ATP9B: variants seen among roughly 807,000 people sequenced by gnomAD.
ATP9B encodes ATPase phospholipid transporting 9B.
A neutral mutation model predicts 146.1 loss-of-function variants in ATP9B; 110 were observed. The ratio of observed to expected loss-of-function variants is 0.75; its 90% CI spans 0.65 to 0.88. The LOEUF (loss-of-function observed/expected upper bound fraction) is 0.88, where lower values mean the gene tolerates loss of function less well. ATP9B is among the 40% of genes least tolerant of loss of function. ATP9B has a pLI of 0.00. For missense variants in ATP9B, 1,499 were observed against 1,496.4 expected, an observed-to-expected ratio of 1.00 and a Z score of -0.03; for synonymous variants, 604 against 569.7, an observed-to-expected ratio of 1.06 and a Z score of -0.86.
At position 79,374,070 on chromosome 18, in the gene ATP9B, G is replaced by A. The variant is rs1188758141; in HGVS notation, c.3243G>A (p.Val1081=). 3 of 1,614,214 alleles carry A rather than the reference G, an allele frequency of 1.9e-6. No homozygotes were observed. The highest frequency in any genetic ancestry group is 3.3e-5 in the Admixed American group (2 of 60,032). Residue 1081 remains valine (V), a synonymous_variant, in exon 28 of 30, where the codon GTG becomes GTA. Transcript: ENST00000426216. ...AGTTCCTCAGCTTAGGCTGCTACGT[G>A]TCCTCACTCGCTTTTCTCAATGAAT... is the stretch of plus-strand genomic sequence containing the variant. The part of the protein sequence containing the change: ...VAEFLSLGCY[V]SSLAFLNEYF...
chr18:79,375,547 T>C lies in ATP9B; in HGVS notation c.3307+121T>C, dbSNP rs1005181762. ...AATTCAGTGTTCCTCAGGAACTCTC[T>C]GATGTCACGTAAACTGGTGGCCATG... On this transcript the variant is annotated intron_variant, in intron 29 of 29. Transcript: ENST00000426216. 3 of 1,500,084 alleles carry C rather than the reference T, an allele frequency of 2.0e-6. No homozygotes were observed. The African/African-American group carries it at 4.2e-5, about 21-fold the overall frequency. 92.9% of individuals were successfully genotyped at this position (1,500,084 alleles called of 1,614,324 possible).
intron 9 of ATP9B, among the ~76,000 whole-genome samples, chr18:79,201,552 G>C (rs972064598): frequency 6.6e-6 from 1 of 152,072 alleles, no homozygotes; most frequent in Non-Finnish European, 1.5e-5. Flanking sequence ...ACCAGCCTGG[G>C]CAACATTGGG....
At chr18:79,254,173 G>A in intron 12 of ATP9B, 1 of 152,304 alleles carries the variant, frequency 6.6e-6, no homozygotes. Flanking sequence ...ATGAGCAACT[G>A]AAACCTAATG....
In ATP9B at chr18:79,153,038, T is replaced by C. The variant is rs546067632; in HGVS notation, c.727-1466T>C. Among the ~76,000 whole-genome samples the C allele has an allele frequency of 7.2e-5, 11 of 152,326 alleles. No homozygotes were observed. The East Asian group carries it at 1.7e-3, about 24-fold the overall frequency. On this transcript the variant is annotated intron_variant, in intron 6 of 29. Coordinates refer to ENST00000426216, the MANE Select transcript of ATP9B (RefSeq NM_198531.5). ...ATGTAGAGGTCTTGCACATCTTTTA[T>C]TGGTTTCATGCTAATATTAGTTTTT...
chr18:79,187,436 G>T (rs568013020), intron 8 of ATP9B, among the ~76,000 whole-genome samples: 8 of 152,280 alleles, frequency 5.3e-5, no homozygotes, highest in Admixed American at 4.6e-4. Context: ...ATGTCCTTTC[G>T]CATGCTCTGC....
Position 79,345,766 on chromosome 18 carries a change from G to T in ATP9B, c.2618-9G>T, listed in dbSNP as rs375485580. On this transcript the variant is annotated splice_polypyrimidine_tract_variant and intron_variant, in intron 22 of 29. Transcript: ENST00000426216. ...GGTTTTATTTCATCTCACTTTTCTT[G>T]CTTCGCAGGTGATGGAGGAAATGAT... 2.3e-5 allele frequency: 37 copies of T among 1,614,074 alleles called. No homozygotes were observed. The highest frequency in any genetic ancestry group is 3.1e-5 in the Non-Finnish European group (36 of 1,180,010).
In ATP9B at chr18:79,239,422, CAT is replaced by C. The variant is rs1170844472; in HGVS notation, c.1108-13957_1108-13956del. Among the ~76,000 whole-genome samples the C allele has an allele frequency of 6.6e-6, 1 of 152,196 alleles. No homozygotes were observed. Among genetic ancestry groups the C allele is most frequent in the African/African-American group, 2.4e-5 (1 of 41,452 alleles). ...CCCATGGAGGTACACAAACCATCCT[CAT>C]AAAACCAAGCCCCAGAGTGGGTTGT... On this transcript the variant is annotated intron_variant, in intron 11 of 29. Transcript: ENST00000426216. The surrounding 1 kb of genome is among the most constrained non-coding windows in gnomAD (Gnocchi z 5.1).
intron 9 of ATP9B, among the ~76,000 whole-genome samples, chr18:79,205,407 C>T (rs2095524774): frequency 1.4e-5 from 1 of 72,252 alleles, no homozygotes; most frequent in Admixed American, 1.3e-4. Flanking sequence ...ACACCAGTTA[C>T]ATAAACGTAT....
At chr18:79,340,958 C>T (rs2096854985) in intron 19 of ATP9B, among the ~76,000 whole-genome samples, 1 of 152,200 alleles carries the variant, frequency 6.6e-6, no homozygotes, top group African/African-American at 2.4e-5. Context: ...TGTGTGGAAT[C>T]CTTTGTGGTA....
intron 26 of ATP9B, chr18:79,360,522 T>C (rs2147841348): frequency 6.6e-6 from 1 of 152,122 alleles, no homozygotes; most frequent in South Asian, 2.1e-4. Context: ...ATACTCTATC[T>C]AATACAGCTA....
At chr18:79,355,442 G>A (rs2096945552) in intron 25 of ATP9B, among the ~76,000 whole-genome samples, 1 of 152,120 alleles carries the variant, frequency 6.6e-6, no homozygotes, top group Non-Finnish European at 1.5e-5. Context: ...TCTTAGAGAT[G>A]AGAAATAACC....
intron 25 of ATP9B, among the ~76,000 whole-genome samples, chr18:79,352,040 G>C (rs1445562152): frequency 1.3e-5 from 2 of 152,144 alleles, no homozygotes; most frequent in Non-Finnish European, 2.9e-5. Flanking sequence ...CTCTGAGAGA[G>C]ACTTCTGATC....
intron 23 of ATP9B, among the ~76,000 whole-genome samples, chr18:79,346,301 A>T (rs191419870): frequency 9.6e-5 from 14 of 146,060 alleles, no homozygotes; most frequent in African/African-American, 3.6e-4. Flanking sequence ...CTCAGCACAC[A>T]CTTGGCACAC....
intron 8 of ATP9B, among the ~76,000 whole-genome samples, chr18:79,187,436 G>A (rs568013020): frequency 6.6e-6 from 1 of 152,280 alleles, no homozygotes; most frequent in East Asian, 1.9e-4. Flanking sequence ...ATGTCCTTTC[G>A]CATGCTCTGC....
At position 79,307,080 on chromosome 18, in the gene ATP9B, G is replaced by A. The variant is rs201351448; in HGVS notation, c.1619G>A (p.Arg540Gln). The A allele has an allele frequency of 3.5e-5, 57 of 1,614,180 alleles. No individual in the cohort carries two copies. Among genetic ancestry groups the A allele is most frequent in the Non-Finnish European group, 4.5e-5 (53 of 1,180,042 alleles). ...AAAGTTAGGAAAAGTGTCAGTAGTC[G>A]AATCCATGAAGCCGTGAAAGCCATC... ...APKVRKSVSS[R>Q]IHEAVKAIVL... is the part of the protein sequence containing the mutation. The change falls in exon 15 of 30, where the codon CGA becomes CAA. Residue 540 changes from arginine to glutamine, a missense_variant. Physicochemically the swap from Arg to Gln is conservative, Grantham distance 43. Coordinates refer to ENST00000426216, the MANE Select transcript of ATP9B (RefSeq NM_198531.5).
chr18:79,370,871 C>T (rs900408557), intron 26 of ATP9B, among the ~76,000 whole-genome samples: 1 of 152,152 alleles, frequency 6.6e-6, no homozygotes, highest in Non-Finnish European at 1.5e-5. Flanking sequence ...CAGAATAAGC[C>T]TTTTCTTTCT....
At chr18:79,122,808 C>T (rs1172979936) in intron 4 of ATP9B, among the ~76,000 whole-genome samples, 1 of 152,142 alleles carries the variant, frequency 6.6e-6, no homozygotes, top group African/African-American at 2.4e-5. Flanking sequence ...TTGTCTCTAA[C>T]AGGCTTTTTG....
intron 11 of ATP9B, among the ~76,000 whole-genome samples, chr18:79,227,531 A>G (rs1262042486): frequency 6.6e-6 from 1 of 152,124 alleles, no homozygotes; most frequent in African/African-American, 2.4e-5. Flanking sequence ...GGATGGGTGG[A>G]TGGATGATGA....
rs112276965 is a variant in ATP9B, at chr18:79,336,002, G to A, written c.2029-626G>A. 2.1e-3 allele frequency among the ~76,000 whole-genome samples: 313 copies of A among 151,152 alleles called. 1 individual carries two copies. The highest frequency in any genetic ancestry group is 7.4e-3 in the African/African-American group (303 of 41,044). On this transcript the variant is annotated intron_variant, in intron 17 of 29. Transcript: ENST00000426216. ...CCAGGAGCCCTCCCTGGCACCAGGC[G>A]CTCCCCTCGCCCGTCCCCAGCACCG...
Sources: gnomAD v4.1 joint callset for allele counts (sites outside exome capture counted in the v4.1 genomes callset) on GRCh38, gnomAD v4.1.1 for gene constraint, Gnocchi (gnomAD v3.1) non-coding constraint, MANE v1.5 for transcripts, NCBI Gene and HGNC (gene_info 2026-07-23, HGNC 2026-07-21) for gene names.